PRRC2C: variants seen among roughly 807,000 people sequenced by gnomAD.
PRRC2C encodes the protein proline rich coiled-coil 2C.
In PRRC2C, 72 loss-of-function variants were observed where a neutral mutation model predicts 317.2. The observed-to-expected ratio is 0.23, with a 90% CI of 0.19 to 0.28. The LOEUF is 0.28. Among genes scored for constraint, PRRC2C ranks in the 10% least tolerant of loss-of-function variants. The pLI is 1.00. For missense variants in PRRC2C, 3,074 were observed against 3,459.7 expected (o/e 0.89, Z 2.80); for synonymous variants, 1,296 against 1,205.9 (o/e 1.07, Z -1.55).
Position 171,532,386 on chromosome 1 carries a change from C to G in PRRC2C, c.1298C>G (p.Pro433Arg). The change falls in exon 12 of 35, where the codon CCC becomes CGC. Residue 433 changes from proline (P) to arginine (R), a missense_variant. Pro to Arg is a moderately radical substitution (Grantham distance 103). Transcript: ENST00000647382. ...CAGGCAGTACCTGGAAGACCAGGCC[C>G]CTTTCCCTCCAAGCAGCAAGTAGCT... Reference protein sequence around the residue: ...DRQAVPGRPGPFPSKQQVADE... With the variant: ...DRQAVPGRPGRFPSKQQVADE... 6.2e-7 allele frequency: 1 copy of G among 1,613,902 alleles called. No homozygotes were observed. Among genetic ancestry groups the G allele is most frequent in the Non-Finnish European group, 8.5e-7 (1 of 1,179,876 alleles).
At chr1:171,547,863 G>A (rs538178141) in intron 17 of PRRC2C, among the ~76,000 whole-genome samples, 1 of 152,142 alleles carries the variant, frequency 6.6e-6, no homozygotes, top group South Asian at 2.1e-4. Flanking sequence ...ATGTTGGCCA[G>A]GCAGCTCTCA....
At chr1:171,536,872 T>C (rs111679093) in intron 14 of PRRC2C, among the ~76,000 whole-genome samples, 1 of 152,354 alleles carries the variant, frequency 6.6e-6, no homozygotes, top group African/African-American at 2.4e-5. Flanking sequence ...TAAGGTAGGT[T>C]AATGGAATTT....
intron 1 of PRRC2C, among the ~76,000 whole-genome samples, chr1:171,503,056 A>G (rs1669437182): frequency 6.6e-6 from 1 of 152,298 alleles, no homozygotes; most frequent in Middle Eastern, 3.4e-3. Context: ...TTTAATGTCC[A>G]ATGGCAAAGG....
intron 1 of PRRC2C, among the ~76,000 whole-genome samples, chr1:171,495,844 C>T (rs1252940738): frequency 1.3e-5 from 2 of 152,130 alleles, no homozygotes; most frequent in African/African-American, 4.8e-5. Flanking sequence ...ATAGTATAGA[C>T]TGGATGGCTT....
chr1:171,575,574 G>A (rs924415329), intron 25 of PRRC2C, among the ~76,000 whole-genome samples: 1 of 152,264 alleles, frequency 6.6e-6, no homozygotes, highest in Middle Eastern at 3.4e-3. Context: ...AGTTTGGTTT[G>A]GATTTTGTTT....
chr1:171,514,691 T>C (rs1286365088), intron 4 of PRRC2C, 46 bp downstream of exon 4: 20 of 1,452,434 alleles, frequency 1.4e-5, no homozygotes, highest in Non-Finnish European at 1.9e-5. Context: ...TGATAGTTAC[T>C]GAACAGCCAT....
chr1:171,515,407 A>C (rs955470025), intron 4 of PRRC2C, among the ~76,000 whole-genome samples: 1 of 152,218 alleles, frequency 6.6e-6, no homozygotes, highest in Admixed American at 6.5e-5. Context: ...AATTCTGAGA[A>C]TTCTTAGCAG....
chr1:171,505,182 C>T (rs187860901), intron 1 of PRRC2C, among the ~76,000 whole-genome samples: 70 of 152,208 alleles, frequency 4.6e-4, no homozygotes, highest in African/African-American at 1.7e-3. Context: ...CATGTGCCAC[C>T]ACACCCGGCT....
chr1:171,533,881 C>G (rs1236849299), intron 12 of PRRC2C, among the ~76,000 whole-genome samples: 1 of 152,190 alleles, frequency 6.6e-6, no homozygotes, highest in Non-Finnish European at 1.5e-5. Context: ...CTCGGCCTCC[C>G]AAAGTACTGG....
At chr1:171,547,401 AGT>A (rs1454358929) in intron 17 of PRRC2C, among the ~76,000 whole-genome samples, 1 of 152,304 alleles carries the variant, frequency 6.6e-6, no homozygotes, top group East Asian at 1.9e-4. Flanking sequence ...CACACATTTT[AGT>A]GTAAGTGAAA....
chr1:171,562,454 G>A (rs1024648102), intron 20 of PRRC2C, among the ~76,000 whole-genome samples: 7 of 152,176 alleles, frequency 4.6e-5, no homozygotes, highest in South Asian at 2.1e-4. Flanking sequence ...TAATTCATAG[G>A]TGGCAAGAGT....
intron 18 of PRRC2C, among the ~76,000 whole-genome samples, chr1:171,553,623 C>A (rs1005513338): frequency 5.9e-5 from 9 of 152,212 alleles, no homozygotes; most frequent in Non-Finnish European, 1.3e-4. Flanking sequence ...AAATTTCCCT[C>A]TACACACTGT....
chr1:171,516,992 G>A (rs1019070588), intron 5 of PRRC2C, among the ~76,000 whole-genome samples: 1 of 152,180 alleles, frequency 6.6e-6, no homozygotes, highest in African/African-American at 2.4e-5. Context: ...GCTATATTGT[G>A]AGAAGGGACT....
intron 15 of PRRC2C, among the ~76,000 whole-genome samples, chr1:171,538,464 A>G (rs1345190396): frequency 2.0e-5 from 3 of 152,230 alleles, no homozygotes; most frequent in African/African-American, 4.8e-5. Context: ...ATGGCGCACA[A>G]TTGGTGATGA....
chr1:171,577,385 A>C, intron 25 of PRRC2C, 49 bp from the exon 26 acceptor site: 2 of 1,461,486 alleles, frequency 1.4e-6, no homozygotes, highest in Non-Finnish European at 9.4e-7. Context: ...CAATAGCAAC[A>C]CTTTTAAATA....
At chr1:171,542,668 T>A (rs2102508300) in intron 16 of PRRC2C, among the ~76,000 whole-genome samples, 1 of 152,352 alleles carries the variant, frequency 6.6e-6, no homozygotes, top group Non-Finnish European at 1.5e-5. Flanking sequence ...AACAAATCCC[T>A]GTTCTACTAC....
At position 171,535,430 on chromosome 1, in the gene PRRC2C, G is replaced by A. The variant is rs376144607; in HGVS notation, c.1876G>A (p.Glu626Lys). Reference protein sequence around the residue: ...QESENSCNKEEEPVFTRQDSN... With the variant: ...QESENSCNKEKEPVFTRQDSN... Reference sequence around the variant, plus strand: ...CCTTTCACCTTTTCTTTGAGCAGAGGAGGAACCCGTTTTCACTAGACAAGA... The same window carrying A: ...CCTTTCACCTTTTCTTTGAGCAGAGAAGGAACCCGTTTTCACTAGACAAGA... The change falls in exon 13 of 35, where the codon GAG becomes AAG. Residue 626 changes from glutamate (E) to lysine (K), a missense_variant and splice_region_variant. Physicochemically the swap from Glu to Lys is moderately conservative, Grantham distance 56 (BLOSUM62 1). Transcript: ENST00000647382. 17 of 1,612,218 alleles carry A rather than the reference G, an allele frequency of 1.1e-5. No homozygotes were observed. The East Asian group carries it at 3.6e-4, about 34-fold the overall frequency.
rs1002807587 is a variant in PRRC2C, at chr1:171,503,321, C to T, written c.-57-8711C>T. 5.9e-5 allele frequency among the ~76,000 whole-genome samples: 9 copies of T among 151,928 alleles called. No homozygotes were observed. In the East Asian group the frequency reaches 1.4e-3, roughly 23 times the overall value. ...GGTGGATCATCTGAGGTCAGGAGTT[C>T]GAGACTAGCCTAGCCAACATGACAA... On this transcript the variant is annotated intron_variant, in intron 1 of 34. Coordinates refer to ENST00000647382, the MANE Select transcript of PRRC2C (RefSeq NM_001387844.1).
chr1:171,556,336 C>G (rs1681397131), intron 18 of PRRC2C, among the ~76,000 whole-genome samples: 2 of 152,310 alleles, frequency 1.3e-5, no homozygotes, highest in South Asian at 2.1e-4. Flanking sequence ...GTCATGACTT[C>G]CCTTGGCTAG....
Sources: gnomAD v4.1 joint callset for allele counts (sites outside exome capture counted in the v4.1 genomes callset) on GRCh38, gnomAD v4.1.1 for gene constraint, MANE v1.5 for transcripts, NCBI Gene and HGNC (gene_info 2026-07-23, HGNC 2026-07-21) for gene names.